CLVS1: variants seen among roughly 807,000 people sequenced by gnomAD.
The protein encoded by CLVS1 is clavesin 1, also known as clavesin-1.
In CLVS1, 10 loss-of-function variants were observed where a neutral mutation model predicts 33.1. The observed-to-expected ratio is 0.30, with a 90% CI of 0.19 to 0.51. CLVS1 has a LOEUF of 0.51. Ranked by LOEUF, CLVS1 falls within the 20% of genes least tolerant of loss-of-function variation. The pLI is 0.97. For missense variants in CLVS1, 343 were observed against 433.4 expected (o/e 0.79, Z 1.85); for synonymous variants, 163 against 166.1 (o/e 0.98, Z 0.14).
At chr8:61,479,622 G>A (rs907214531) in intron 5 of CLVS1, among the ~76,000 whole-genome samples, 1 of 152,154 alleles carries the variant, frequency 6.6e-6, no homozygotes, top group Admixed American at 6.5e-5. Context: ...TCCGTTGCTG[G>A]TGAGGAGCTG....
At position 61,105,767 on chromosome 8, in the gene CLVS1, T is replaced by C. The variant is rs189908399; in HGVS notation, c.-242-26003T>C. ...TAGGGTAGGAGGTCTCTGAACATTT[T>C]TTTTTTTTACTTTAAAAAGGGATCC... On this transcript the variant is annotated intron_variant, in intron 1 of 2. Coordinates refer to the CLVS1 transcript ENST00000522621. Among the ~76,000 whole-genome samples, 21 of 152,196 alleles carry C rather than the reference T, an allele frequency of 1.4e-4. No homozygotes were observed. In the East Asian group the frequency reaches 3.3e-3, roughly 24 times the overall value.
chr8:61,362,887 A>G (rs1479165303), intron 2 of CLVS1, among the ~76,000 whole-genome samples: 5 of 152,210 alleles, frequency 3.3e-5, no homozygotes, highest in African/African-American at 4.8e-5. Context: ...AGAATTATGT[A>G]GGTGGGTAAG....
At chr8:61,014,791 C>T in the CLVS1 span, among the ~76,000 whole-genome samples, 10 of 152,218 alleles carry the variant, frequency 6.6e-5, no homozygotes, top group African/African-American at 1.7e-4. Context: ...ATTGGAAGGA[C>T]ACAGCATAGT....
At chr8:61,331,456 G>A (rs1811586479) in intron 2 of CLVS1, among the ~76,000 whole-genome samples, 1 of 150,594 alleles carries the variant, frequency 6.6e-6, no homozygotes, top group Non-Finnish European at 1.5e-5. Flanking sequence ...CATTTTCCCT[G>A]GGCTTTATTA....
At chr8:60,967,503 G>A in the CLVS1 span, 4 of 364,920 alleles carry the variant, frequency 1.1e-5, no homozygotes. Context: ...GACCACGAGT[G>A]CAGTAGCCAG....
rs536077149 is a variant in CLVS1, at chr8:61,293,481, A to T, written c.-152+5343A>T. On this transcript the variant is annotated intron_variant, in intron 1 of 5. Coordinates refer to ENST00000325897, the MANE Select transcript of CLVS1 (RefSeq NM_173519.3). Reference sequence around the variant, plus strand: ...TAACCAACCAGCCTCTGAGATTTAAATATAGGCTAAATAGGCTGTAAGGGA... The same window carrying T: ...TAACCAACCAGCCTCTGAGATTTAATTATAGGCTAAATAGGCTGTAAGGGA... Among the ~76,000 whole-genome samples, 170 of 152,284 alleles carry T rather than the reference A, an allele frequency of 1.1e-3. No individual in the cohort carries two copies. The South Asian group carries it at 0.034, about 30-fold the overall frequency.
At chr8:61,372,468 A>T (rs570649282) in intron 2 of CLVS1, among the ~76,000 whole-genome samples, 8 of 152,312 alleles carry the variant, frequency 5.3e-5, no homozygotes, top group Admixed American at 5.2e-4. Context: ...CAGTACAGAG[A>T]CTTCCCCTAT....
chr8:61,039,327 A>G, the CLVS1 span, among the ~76,000 whole-genome samples: 1 of 152,152 alleles, frequency 6.6e-6, no homozygotes, highest in Non-Finnish European at 1.5e-5. Context: ...CAAACCTACT[A>G]AAGTGCCATG....
At chr8:61,221,292 C>G (rs943857679) in intron 2 of CLVS1, among the ~76,000 whole-genome samples, 1 of 152,134 alleles carries the variant, frequency 6.6e-6, no homozygotes, top group African/African-American at 2.4e-5. Flanking sequence ...CCAGCTTTTG[C>G]CCATTCAGTA....
At chr8:61,206,949 T>C (rs916422094) in intron 2 of CLVS1, among the ~76,000 whole-genome samples, 2 of 152,176 alleles carry the variant, frequency 1.3e-5, no homozygotes, top group Non-Finnish European at 2.9e-5. Flanking sequence ...AGGTCAATGA[T>C]GGAACAGCTG....
At chr8:61,070,963 C>T (rs1183335236) in intron 1 of CLVS1, among the ~76,000 whole-genome samples, 1 of 152,238 alleles carries the variant, frequency 6.6e-6, no homozygotes, top group African/African-American at 2.4e-5. Flanking sequence ...ACCCTCTTCT[C>T]TCTTGCCCAC....
intron 2 of CLVS1, among the ~76,000 whole-genome samples, chr8:61,194,158 C>G (rs1196328748): frequency 6.6e-6 from 1 of 151,882 alleles, no homozygotes; most frequent in Non-Finnish European, 1.5e-5. Context: ...AAAGCAAACA[C>G]CACAAATGGA....
the CLVS1 span, among the ~76,000 whole-genome samples, chr8:61,033,033 G>GAA: frequency 2.8e-5 from 3 of 108,994 alleles, no homozygotes; most frequent in South Asian, 3.3e-4. Flanking sequence ...AAGAAAGAAA[G>GAA]AAAGAAAGAA....
chr8:61,262,386 C>T (rs967734144), intron 2 of CLVS1, among the ~76,000 whole-genome samples: 10 of 152,006 alleles, frequency 6.6e-5, no homozygotes, highest in East Asian at 1.9e-4. Flanking sequence ...ACTCATCAAA[C>T]GTATAGTCCT....
chr8:61,279,198 G>A (rs569920980), intron 2 of CLVS1, among the ~76,000 whole-genome samples: 1 of 152,234 alleles, frequency 6.6e-6, no homozygotes, highest in Admixed American at 6.5e-5. Context: ...GCTGTGCTTG[G>A]TGATGTCATG....
At chr8:61,443,630 C>G (rs1345706522) in intron 3 of CLVS1, among the ~76,000 whole-genome samples, 1 of 152,110 alleles carries the variant, frequency 6.6e-6, no homozygotes, top group Non-Finnish European at 1.5e-5. Flanking sequence ...ACCACCCAGT[C>G]TTGATTGCTA....
chr8:61,472,173 G>A (rs566864578), intron 5 of CLVS1, among the ~76,000 whole-genome samples: 1 of 152,130 alleles, frequency 6.6e-6, no homozygotes, highest in Admixed American at 6.5e-5. Context: ...GTCTTAACAG[G>A]GACCACAATT....
chr8:61,033,029 G>GAAAGAAAGAAAGAA, the CLVS1 span, among the ~76,000 whole-genome samples: 16 of 111,170 alleles, frequency 1.4e-4, no homozygotes, highest in African/African-American at 5.7e-4. Context: ...AAGAAAGAAA[G>GAAAGAAAGAAAGAA]AAAGAAAGAA....
intron 1 of CLVS1, among the ~76,000 whole-genome samples, chr8:61,062,947 T>A (rs1260643149): frequency 6.6e-6 from 1 of 152,216 alleles, no homozygotes; most frequent in Non-Finnish European, 1.5e-5. Context: ...AATATTTTAT[T>A]GTTTATTGTG....
Sources: allele counts gnomAD v4.1 joint callset (sites outside exome capture counted in the v4.1 genomes callset), GRCh38; gene constraint gnomAD v4.1.1; transcripts MANE v1.5; gene names NCBI Gene and HGNC (gene_info 2026-07-23, HGNC 2026-07-21).